The following BCL11B variants were observed in gnomAD, a reference collection of about 807,000 sequenced individuals.
BCL11B encodes BCL11 transcription factor B.
A neutral mutation model predicts 49.9 loss-of-function variants in BCL11B; 8 were observed. The ratio of observed to expected loss-of-function variants is 0.16; its 90% confidence interval spans 0.09 to 0.29. The LOEUF is 0.29. BCL11B is among the 10% of genes least tolerant of loss of function. The pLI is 1.00. For missense variants in BCL11B, 1,006 were observed against 1,351.0 expected (o/e 0.74, Z 4.00); for synonymous variants, 739 against 637.4 (o/e 1.16, Z -2.40).
At position 99,248,612 on chromosome 14, in the gene BCL11B, G is replaced by A. The variant is rs956807551; in HGVS notation, c.427+8859C>T. On this transcript the variant is annotated intron_variant, in intron 2 of 3. Transcript: ENST00000357195. The surrounding 1 kb of genome is among the most constrained non-coding windows in gnomAD (Gnocchi z 4.7). ...GTGAGTGGACCAAATTCTCCCATAA[G>A]GATCTTCACAGCCTGGGGCAGAAAG... Among the ~76,000 whole-genome samples the A allele has an allele frequency of 2.0e-5, 3 of 152,140 alleles. No individual in the cohort carries two copies. The highest frequency in any genetic ancestry group is 7.2e-5 in the African/African-American group (3 of 41,412).
At chr14:99,215,364 T>C (rs1204277326) in intron 3 of BCL11B, among the ~76,000 whole-genome samples, 2 of 152,268 alleles carry the variant, frequency 1.3e-5, no homozygotes, top group East Asian at 3.8e-4. Flanking sequence ...CCGCAGTCTA[T>C]TGTGGCCGCG....
rs1888661992 is a variant in BCL11B at position 99,241,291 on chromosome 14, A to T, written c.428-9734T>A. The stretch of plus-strand genomic sequence containing the variant: ...ACCCCAAAACAACATTGTAGATAAG[A>T]GCCCAGAGGCGGGGAGGCCTCCGGG... On this transcript the variant is annotated intron_variant, in intron 2 of 3. Coordinates refer to ENST00000357195, the MANE Select transcript of BCL11B (RefSeq NM_138576.4). The surrounding 1 kb of genome is among the most constrained non-coding windows in gnomAD (Gnocchi z 4.4). Among the ~76,000 whole-genome samples the T allele has an allele frequency of 6.6e-6, 1 of 152,086 alleles. No homozygotes were observed. The highest frequency in any genetic ancestry group is 1.5e-5 in the Non-Finnish European group (1 of 68,022).
intron 3 of BCL11B, among the ~76,000 whole-genome samples, chr14:99,206,069 G>C (rs898334489): frequency 6.6e-6 from 1 of 152,272 alleles, no homozygotes; most frequent in South Asian, 2.1e-4. Flanking sequence ...GAGGCCTCCT[G>C]GACCAGATTC....
chr14:99,186,774 T>A (rs1246429454), intron 3 of BCL11B, among the ~76,000 whole-genome samples: 1 of 152,214 alleles, frequency 6.6e-6, no homozygotes, highest in Non-Finnish European at 1.5e-5. Flanking sequence ...CAAGGCCTAC[T>A]CAAGTCAAGA....
intron 3 of BCL11B, among the ~76,000 whole-genome samples, chr14:99,202,767 C>A (rs778893877): frequency 6.6e-6 from 1 of 152,188 alleles, no homozygotes; most frequent in Admixed American, 6.5e-5. Flanking sequence ...CAGGGAATAG[C>A]GAGGCCGAGG....
rs746865950 is a variant in BCL11B at position 99,175,576 on chromosome 14, C to G, written c.1260G>C (p.Pro420=). ...ACGACTTGCTCTTGGCTGGCGGCTG[C>G]GGGGGCGGCGTGCCGCCAGGGGGCA... ...PPMPPGGTPP[P]QPPAKSKSCE... is the part of the protein sequence containing the mutation. The change falls in exon 4 of 4, where the codon CCG becomes CCC. Residue 420 remains proline (P), a synonymous_variant. Transcript: ENST00000357195. 12 of 1,584,156 alleles carry G rather than the reference C, an allele frequency of 7.6e-6. No individual in the cohort carries two copies. In the South Asian group the frequency reaches 1.1e-4, roughly 15 times the overall value.
At chr14:99,198,831 T>C (rs563657954) in intron 3 of BCL11B, among the ~76,000 whole-genome samples, 11 of 152,114 alleles carry the variant, frequency 7.2e-5, no homozygotes, top group Non-Finnish European at 1.5e-4. Flanking sequence ...ACTTAATCAA[T>C]GGTTTTAGAA....
At chr14:99,253,718 G>A (rs879637546) in intron 2 of BCL11B, among the ~76,000 whole-genome samples, 1 of 152,000 alleles carries the variant, frequency 6.6e-6, no homozygotes, top group Non-Finnish European at 1.5e-5. Flanking sequence ...CCCAGATAAC[G>A]GCTTGGCAGC....
chr14:99,225,089 C>T (rs1164935203), intron 3 of BCL11B, among the ~76,000 whole-genome samples: 2 of 152,188 alleles, frequency 1.3e-5, no homozygotes, highest in Non-Finnish European at 2.9e-5. Context: ...TTGCAGGGTT[C>T]ACACCAAGCC....
At chr14:99,214,895 C>T (rs1315915936) in intron 3 of BCL11B, among the ~76,000 whole-genome samples, 5 of 152,006 alleles carry the variant, frequency 3.3e-5, no homozygotes, top group Non-Finnish European at 7.4e-5. Flanking sequence ...GCTACAGCAC[C>T]CAGGTACAGC....
intron 3 of BCL11B, among the ~76,000 whole-genome samples, chr14:99,203,439 T>G (rs1026891877): frequency 2.6e-5 from 4 of 152,118 alleles, no homozygotes; most frequent in African/African-American, 9.7e-5. Flanking sequence ...GAACTTTAAT[T>G]TCTTAAAGGC....
chr14:99,217,092 TCA>T (rs1390462496), intron 3 of BCL11B, among the ~76,000 whole-genome samples: 4 of 151,732 alleles, frequency 2.6e-5, no homozygotes, highest in Non-Finnish European at 4.4e-5. Context: ...ACCCCCACAT[TCA>T]CACACTGACA....
At chr14:99,218,577 G>A (rs1887922103) in intron 3 of BCL11B, among the ~76,000 whole-genome samples, 1 of 152,170 alleles carries the variant, frequency 6.6e-6, no homozygotes, top group Non-Finnish European at 1.5e-5. Context: ...CTTGTCAAAA[G>A]CCAGCTCCAG....
In BCL11B at chr14:99,171,226, CA is replaced by C; in HGVS notation, c.*2924del. 1 of 227,828 alleles carries C rather than the reference CA, an allele frequency of 4.4e-6. No individual in the cohort carries two copies. The highest frequency in any genetic ancestry group is 2.2e-5 in the African/African-American group (1 of 45,098). 14.1% of individuals were successfully genotyped at this position (227,828 alleles called of 1,614,324 possible). On this transcript the variant is annotated 3_prime_UTR_variant, in exon 4 of 4. Coordinates refer to ENST00000357195, the MANE Select transcript of BCL11B (RefSeq NM_138576.4). ...GGTTCTCTGTGTAGGCCAATTCCGA[CA>C]AAAAATATATACAACTAAATGATTT...
intron 2 of BCL11B, among the ~76,000 whole-genome samples, chr14:99,251,614 T>C (rs1319413198): frequency 6.6e-6 from 1 of 152,224 alleles, no homozygotes; most frequent in African/African-American, 2.4e-5. Context: ...CACCTGAATT[T>C]ACAGTGTACT....
rs908881809 is a variant in BCL11B at position 99,242,510 on chromosome 14, G to A, written c.428-10953C>T. Among the ~76,000 whole-genome samples, 2 of 152,134 alleles carry A rather than the reference G, an allele frequency of 1.3e-5. No individual in the cohort carries two copies. Among genetic ancestry groups the A allele is most frequent in the African/African-American group, 4.8e-5 (2 of 41,430 alleles). On this transcript the variant is annotated intron_variant, in intron 2 of 3. Coordinates refer to ENST00000357195, the MANE Select transcript of BCL11B (RefSeq NM_138576.4). This position sits in a 1 kb window ranked among gnomAD's most constrained non-coding sequence, Gnocchi z 4.4. ...CAAGCCTGCACCATCGCAGACTCCAGGTATCTGCCGTTCCCCACTCCAGCC... is the reference window on the plus strand; with the variant it reads ...CAAGCCTGCACCATCGCAGACTCCAAGTATCTGCCGTTCCCCACTCCAGCC...
At chr14:99,222,157 G>A (rs1237566368) in intron 3 of BCL11B, among the ~76,000 whole-genome samples, 2 of 152,064 alleles carry the variant, frequency 1.3e-5, no homozygotes, top group South Asian at 2.1e-4. Flanking sequence ...CCTCAGGTTC[G>A]AAAAGTCAAG....
chr14:99,252,459 C>T (rs537056197), intron 2 of BCL11B, among the ~76,000 whole-genome samples: 4 of 152,284 alleles, frequency 2.6e-5, no homozygotes, highest in East Asian at 3.9e-4. Context: ...CAAAGCAGCA[C>T]GTAAATCCCT....
At chr14:99,179,048 C>T (rs1366315109) in intron 3 of BCL11B, among the ~76,000 whole-genome samples, 2 of 152,202 alleles carry the variant, frequency 1.3e-5, no homozygotes, top group Non-Finnish European at 2.9e-5. Context: ...CTTACGCAGG[C>T]CAGCAGTGAA....
Sources: gnomAD v4.1 joint callset for allele counts (sites outside exome capture counted in the v4.1 genomes callset) on GRCh38, gnomAD v4.1.1 for gene constraint, Gnocchi (gnomAD v3.1) non-coding constraint, MANE v1.5 for transcripts, NCBI Gene and HGNC (gene_info 2026-07-23, HGNC 2026-07-21) for gene names.